CYRIB: variants seen among roughly 807,000 people sequenced by gnomAD.
The protein encoded by CYRIB is CYFIP related Rac1 interactor B.
In CYRIB, 8 loss-of-function variants were observed where a neutral mutation model predicts 44.2. That is an observed-to-expected ratio of 0.18 (90% CI 0.11 to 0.33). The LOEUF (loss-of-function observed/expected upper bound fraction) is 0.33. Ranked by LOEUF, CYRIB falls within the 10% of genes least tolerant of loss-of-function variation. The pLI is 1.00. For missense variants in CYRIB, 185 were observed against 382.8 expected, an observed-to-expected ratio of 0.48 and a Z score of 4.31; for synonymous variants, 131 against 127.2, an observed-to-expected ratio of 1.03 and a Z score of -0.20.
intron 2 of CYRIB, among the ~76,000 whole-genome samples, chr8:129,968,523 T>C (rs1398839870): frequency 1.3e-5 from 2 of 152,204 alleles, no homozygotes; most frequent in Non-Finnish European, 2.9e-5. Context: ...TTCCTGAATA[T>C]AGTTTTTCAT....
At chr8:129,965,984 T>A (rs146380737) in intron 2 of CYRIB, among the ~76,000 whole-genome samples, 1 of 152,128 alleles carries the variant, frequency 6.6e-6, no homozygotes, top group East Asian at 1.9e-4. Flanking sequence ...CCCGAGTAAC[T>A]GGGATTACAT....
intron 2 of CYRIB, among the ~76,000 whole-genome samples, chr8:129,959,595 CA>C (rs1222454925): frequency 6.6e-6 from 1 of 151,982 alleles, no homozygotes; most frequent in African/African-American, 2.4e-5. Flanking sequence ...GGCAACTTAG[CA>C]AGACCCCATC....
intron 9 of CYRIB, chr8:129,850,156 A>G (rs1207664409): frequency 1.3e-5 from 2 of 152,240 alleles, no homozygotes; most frequent in African/African-American, 4.8e-5. Context: ...AGGTTTTCCA[A>G]TGAGATGATG....
chr8:129,998,160 G>A (rs926374542), intron 1 of CYRIB, among the ~76,000 whole-genome samples: 30 of 150,188 alleles, frequency 2.0e-4, no homozygotes, highest in Non-Finnish European at 3.4e-4. Flanking sequence ...CCTCAGAAAC[G>A]GAGGCTGCCC....
At chr8:129,992,765 G>C (rs921693) in intron 1 of CYRIB, among the ~76,000 whole-genome samples, 1 of 151,916 alleles carries the variant, frequency 6.6e-6, no homozygotes, top group Non-Finnish European at 1.5e-5. Context: ...AGTTGAGATC[G>C]CTAACAACAA....
intron 2 of CYRIB, among the ~76,000 whole-genome samples, chr8:129,898,869 C>A (rs1324249040): frequency 1.3e-5 from 2 of 151,728 alleles, no homozygotes; most frequent in African/African-American, 4.8e-5. Flanking sequence ...TTTTACTTTG[C>A]CTTTCTTTTT....
intron 1 of CYRIB, among the ~76,000 whole-genome samples, chr8:129,992,009 G>A (rs891664218): frequency 2.1e-5 from 3 of 144,548 alleles, no homozygotes; most frequent in African/African-American, 5.1e-5. Context: ...GCAGAGGTGT[G>A]GTATGATCCG....
chr8:129,918,562 G>A (rs146063537), intron 1 of CYRIB, among the ~76,000 whole-genome samples: 74 of 152,344 alleles, frequency 4.9e-4, no homozygotes, highest in Non-Finnish European at 6.0e-4. Context: ...GAACAGGACA[G>A]TGTGAGATAA....
At chr8:129,928,501 A>C (rs1369365200) in intron 1 of CYRIB, among the ~76,000 whole-genome samples, 1 of 152,170 alleles carries the variant, frequency 6.6e-6, no homozygotes, top group East Asian at 1.9e-4. Flanking sequence ...CATTTCACCG[A>C]AACAGATGGA....
intron 2 of CYRIB, among the ~76,000 whole-genome samples, chr8:129,882,184 G>C (rs1179493564): frequency 6.6e-6 from 1 of 152,154 alleles, no homozygotes; most frequent in African/African-American, 2.4e-5. Flanking sequence ...TAGGAAAAAG[G>C]CAGCACACCA....
chr8:129,870,668 G>C (rs1280470050), intron 4 of CYRIB, among the ~76,000 whole-genome samples: 1 of 152,154 alleles, frequency 6.6e-6, no homozygotes, highest in African/African-American at 2.4e-5. Flanking sequence ...ACAGAGGATG[G>C]GAAGAATCAA....
upstream of CYRIB, among the ~76,000 whole-genome samples, chr8:129,940,574 C>A (rs1267920359): frequency 6.6e-6 from 1 of 152,180 alleles, no homozygotes; most frequent in African/African-American, 2.4e-5. Flanking sequence ...TTCCCTAATT[C>A]CCCTTTCACT....
At chr8:129,842,598 T>A (rs761369952) in intron 11 of CYRIB, among the ~76,000 whole-genome samples, 4 of 152,176 alleles carry the variant, frequency 2.6e-5, no homozygotes, top group Non-Finnish European at 4.4e-5. Context: ...TTTTAACCTT[T>A]TGGATGACTG....
intron 1 of CYRIB, among the ~76,000 whole-genome samples, chr8:129,920,111 T>G (rs1049667200): frequency 6.6e-6 from 1 of 151,152 alleles, no homozygotes; most frequent in Non-Finnish European, 1.5e-5. Flanking sequence ...AAAAAAAAAG[T>G]ACTATTCTAA....
intron 4 of CYRIB, chr8:129,864,703 G>C: frequency 3.3e-6 from 1 of 298,636 alleles, no homozygotes; most frequent in Non-Finnish European, 6.5e-6. Context: ...CAATGTATGG[G>C]TAGCCTGTCC....
chr8:129,842,967 T>C (rs1044905099), intron 11 of CYRIB, among the ~76,000 whole-genome samples: 1 of 152,238 alleles, frequency 6.6e-6, no homozygotes, highest in Admixed American at 6.5e-5. Context: ...TTTTGCTACA[T>C]GCATGCAAAT....
At chr8:129,929,398 G>A (rs991745111) in intron 1 of CYRIB, among the ~76,000 whole-genome samples, 1 of 152,048 alleles carries the variant, frequency 6.6e-6, no homozygotes, top group Non-Finnish European at 1.5e-5. Flanking sequence ...CGATTTCAAG[G>A]GATCTTACTG....
At chr8:129,856,137 A>C (rs2046101708) in intron 5 of CYRIB, among the ~76,000 whole-genome samples, 1 of 152,224 alleles carries the variant, frequency 6.6e-6, no homozygotes, top group Admixed American at 6.5e-5. Flanking sequence ...ACTTTCTTCA[A>C]TGGCACTGTG....
rs191793038 is a variant in CYRIB at position 129,938,834 on chromosome 8, A to G, written c.-50+774T>C. 4.6e-4 allele frequency among the ~76,000 whole-genome samples: 70 copies of G among 152,294 alleles called. No individual in the cohort carries two copies. The South Asian group carries it at 0.01, about 22-fold the overall frequency. ...GAAAAAAATAAAAAAGGTACTCAGTATGACCCAGAATAGCCATGAGGTTAA... is the reference window on the plus strand; with the variant it reads ...GAAAAAAATAAAAAAGGTACTCAGTGTGACCCAGAATAGCCATGAGGTTAA... On this transcript the variant is annotated intron_variant, in intron 1 of 11. Coordinates refer to ENST00000519824, the Ensembl canonical transcript of CYRIB.
Sources: gnomAD v4.1 joint callset for allele counts (sites outside exome capture counted in the v4.1 genomes callset) on GRCh38, gnomAD v4.1.1 for gene constraint, MANE v1.5 for transcripts, NCBI Gene and HGNC (gene_info 2026-07-23, HGNC 2026-07-21) for gene names.